GRIK4: variants seen among roughly 807,000 people sequenced by gnomAD.
GRIK4 encodes glutamate receptor ionotropic, kainate 4.
A neutral mutation model predicts 104.9 loss-of-function variants in GRIK4; 40 were observed. The observed-to-expected ratio is 0.38, with a 90% CI of 0.30 to 0.50. The LOEUF (loss-of-function observed/expected upper bound fraction) is 0.50, where lower values mean the gene tolerates loss of function less well. GRIK4 is among the 20% of genes least tolerant of loss of function. GRIK4 has a pLI of 0.93. For synonymous variants in GRIK4, 485 were observed against 524.9 expected (o/e 0.92, Z 1.04); for missense variants, 1,047 against 1,308.1 (o/e 0.80, Z 3.08).
rs149329565 is a variant in GRIK4, at chr11:120,642,423, A to G, written c.-158-11262A>G. Among the ~76,000 whole-genome samples, 14 of 152,242 alleles carry G rather than the reference A, an allele frequency of 9.2e-5. No homozygotes were observed. In the East Asian group the frequency reaches 2.5e-3, roughly 27 times the overall value. ...AGCAGCTGGGAGATGCGGGTATTAG[A>G]ACCTGTTCTGGGACAAACTCTGGAC... On this transcript the variant is annotated intron_variant, in intron 1 of 20. Transcript: ENST00000527524.
At chr11:120,911,843 C>CA (rs200523419) in intron 13 of GRIK4, among the ~76,000 whole-genome samples, 95,157 of 125,566 alleles carry the variant, frequency 0.76, 35,136 homozygotes, top group East Asian at 0.88. Flanking sequence ...GACTCCATCT[C>CA]AAAAAAAAAA....
chr11:120,926,960 T>C (rs566213906), intron 13 of GRIK4, among the ~76,000 whole-genome samples: 226 of 152,306 alleles, frequency 1.5e-3, no homozygotes, highest in African/African-American at 5.1e-3. Flanking sequence ...GAAGGCTGCA[T>C]TGATGGCATG....
intron 1 of GRIK4, among the ~76,000 whole-genome samples, chr11:120,626,195 C>T (rs533522348): frequency 1.8e-4 from 28 of 152,256 alleles, no homozygotes; most frequent in African/African-American, 6.3e-4. Context: ...CTTAGAGCTG[C>T]TATTAGTCTA....
intron 7 of GRIK4, among the ~76,000 whole-genome samples, chr11:120,834,237 G>A (rs1436066220): frequency 4.7e-5 from 7 of 149,416 alleles, no homozygotes; most frequent in African/African-American, 1.5e-4. Flanking sequence ...GCCAATACTG[G>A]GTATGTTAAT....
chr11:120,855,662 A>C (rs772346599), intron 8 of GRIK4, among the ~76,000 whole-genome samples: 4 of 151,404 alleles, frequency 2.6e-5, no homozygotes, highest in Non-Finnish European at 5.9e-5. Context: ...GGTTCAAGCG[A>C]TTATCCTGCC....
chr11:120,703,666 C>T (rs79946059), intron 3 of GRIK4, among the ~76,000 whole-genome samples: 2,738 of 152,056 alleles, frequency 0.018, 74 homozygotes, highest in East Asian at 0.13. Flanking sequence ...TCCACTCAGC[C>T]GTATCTCCTG....
rs542561557 is a variant in GRIK4, at chr11:120,758,946, C to T, written c.83-43747C>T. 3.4e-4 allele frequency among the ~76,000 whole-genome samples: 52 copies of T among 152,276 alleles called. 1 individual carries two copies. The highest frequency in any genetic ancestry group is 6.3e-4 in the Non-Finnish European group (43 of 68,020). ...ACAGTAGAGAACAAGACAAGCATGG[C>T]CTTGGCTTATATCCAAGACTAGCAG... On this transcript the variant is annotated intron_variant, in intron 3 of 20. Transcript: ENST00000527524.
At chr11:120,586,876 G>C (rs1300074710) in intron 1 of GRIK4, among the ~76,000 whole-genome samples, 1 of 152,200 alleles carries the variant, frequency 6.6e-6, no homozygotes, top group Non-Finnish European at 1.5e-5. Context: ...CCCAGGCATA[G>C]TAGTGAGGGG....
In GRIK4 at chr11:120,747,646, T is replaced by C. The variant is rs185600727; in HGVS notation, c.83-55047T>C. 3.9e-5 allele frequency among the ~76,000 whole-genome samples: 6 copies of C among 152,354 alleles called. No individual in the cohort carries two copies. In the South Asian group the frequency reaches 1.0e-3, roughly 26 times the overall value. ...AGAAGAGGCTGCCAGGGTTCCTTGT[T>C]CTATGCGCCGTTCCCATTTGTGGTA... On this transcript the variant is annotated intron_variant, in intron 3 of 20. Transcript: ENST00000527524.
At chr11:120,929,339 G>A (rs1943431122) in intron 13 of GRIK4, among the ~76,000 whole-genome samples, 1 of 152,178 alleles carries the variant, frequency 6.6e-6, no homozygotes, top group Non-Finnish European at 1.5e-5. Context: ...CCCTGCGGAT[G>A]CTCGTGTGGG....
intron 1 of GRIK4, among the ~76,000 whole-genome samples, chr11:120,601,144 G>A (rs921673797): frequency 6.6e-6 from 1 of 151,920 alleles, no homozygotes; most frequent in African/African-American, 2.4e-5. Context: ...GGTGGCTCAC[G>A]TCTGTAATCC....
intron 13 of GRIK4, among the ~76,000 whole-genome samples, chr11:120,917,243 G>GT (rs1943123220): frequency 2.1e-5 from 1 of 47,768 alleles, no homozygotes; most frequent in Non-Finnish European, 3.4e-5. Flanking sequence ...GCGAAACTCC[G>GT]TCTCAAAAAA....
intron 13 of GRIK4, among the ~76,000 whole-genome samples, chr11:120,914,474 G>A (rs1943064445): frequency 6.6e-6 from 1 of 152,222 alleles, no homozygotes; most frequent in Admixed American, 6.5e-5. Flanking sequence ...TGAGCGAGGT[G>A]TGGTACAGGA....
intron 3 of GRIK4, among the ~76,000 whole-genome samples, chr11:120,710,703 C>T (rs1317295767): frequency 1.3e-5 from 2 of 152,220 alleles, no homozygotes; most frequent in African/African-American, 4.8e-5. Flanking sequence ...CCCAGAGGGC[C>T]TGGGGCTTGA....
chr11:120,688,446 C>G (rs1950307277), intron 3 of GRIK4, among the ~76,000 whole-genome samples: 1 of 152,148 alleles, frequency 6.6e-6, no homozygotes, highest in South Asian at 2.1e-4. Context: ...TAAGGCATTC[C>G]CTTGAGTGTC....
chr11:120,770,078 G>A (rs966067915), intron 3 of GRIK4, among the ~76,000 whole-genome samples: 3 of 152,174 alleles, frequency 2.0e-5, no homozygotes, highest in Non-Finnish European at 2.9e-5. Flanking sequence ...GTTAGACCCA[G>A]AGGAGTTCTG....
At chr11:120,651,012 G>A (rs1031430544) in intron 1 of GRIK4, among the ~76,000 whole-genome samples, 3 of 152,176 alleles carry the variant, frequency 2.0e-5, no homozygotes, top group Non-Finnish European at 2.9e-5. Context: ...CCAATCTGCC[G>A]ATTTTTCTCC....
chr11:120,851,249 A>AC (rs993045518), intron 8 of GRIK4, among the ~76,000 whole-genome samples: 1 of 151,586 alleles, frequency 6.6e-6, no homozygotes, highest in Non-Finnish European at 1.5e-5. Flanking sequence ...CACCCACTGC[A>AC]CCCCCCAGCC....
chr11:120,934,551 C>T (rs1359230052), intron 13 of GRIK4, among the ~76,000 whole-genome samples: 2 of 152,258 alleles, frequency 1.3e-5, no homozygotes, highest in East Asian at 1.9e-4. Context: ...GGCAGCTGCA[C>T]GGCCCCTATT....
Sources: gnomAD v4.1 joint callset for allele counts (sites outside exome capture counted in the v4.1 genomes callset) on GRCh38, gnomAD v4.1.1 for gene constraint, MANE v1.5 for transcripts, NCBI Gene and HGNC (gene_info 2026-07-23, HGNC 2026-07-21) for gene names.